HADHA: variants seen among roughly 807,000 people sequenced by gnomAD.
HADHA encodes the protein trifunctional enzyme subunit alpha, mitochondrial.
In HADHA, 59 loss-of-function variants were observed where a neutral mutation model predicts 91.3. That is an observed-to-expected ratio of 0.65 (90% CI 0.52 to 0.80). The LOEUF is 0.80. Ranked by LOEUF, HADHA falls within the 30% of genes least tolerant of loss-of-function variation. HADHA has a pLI of 0.00. For synonymous variants in HADHA, 320 were observed against 338.9 expected, an observed-to-expected ratio of 0.94 and a Z score of 0.61; for missense variants, 800 against 927.6, an observed-to-expected ratio of 0.86 and a Z score of 1.79.
intron 5 of HADHA, among the ~76,000 whole-genome samples, chr2:26,232,799 A>C (rs962830107): frequency 6.6e-6 from 1 of 152,198 alleles, no homozygotes; most frequent in African/African-American, 2.4e-5. Context: ...CCATTAGGAA[A>C]TTTTGTTGTT....
chr2:26,197,858 C>G, intron 13 of HADHA, 81 bp from the exon 14 acceptor site: 1 of 790,376 alleles, frequency 1.3e-6, no homozygotes, highest in East Asian at 2.4e-5. Flanking sequence ...ATGAGTGACA[C>G]CTGGGCCCAG....
rs962512954 is a variant in HADHA at position 26,191,067 on chromosome 2, C to T, written c.*183G>A. On this transcript the variant is annotated 3_prime_UTR_variant, in exon 20 of 20. Coordinates refer to ENST00000380649, the MANE Select transcript of HADHA (RefSeq NM_000182.5). ...TTCCAACAGGAAGTGCAAACTAATT[C>T]GAAGTCACACTTCACCAGGAGGGAG... The T allele has an allele frequency of 6.0e-6, 4 of 668,158 alleles. No homozygotes were observed. Among genetic ancestry groups the T allele is most frequent in the South Asian group, 5.1e-5 (3 of 58,626 alleles). 41.4% of individuals were successfully genotyped at this position (668,158 alleles called of 1,614,324 possible).
In HADHA at chr2:26,214,773, T is replaced by G. The variant is rs568822496; in HGVS notation, c.800-212A>C. Reference sequence around the variant, plus strand: ...GCTGGGCCTTGGGTACATGAGTGTTTATAACACTGTTATCTAGTCTTTTTG... The same window carrying G: ...GCTGGGCCTTGGGTACATGAGTGTTGATAACACTGTTATCTAGTCTTTTTG... On this transcript the variant is annotated intron_variant, in intron 8 of 19. Coordinates refer to ENST00000380649, the MANE Select transcript of HADHA (RefSeq NM_000182.5). This position sits in a 1 kb window ranked among gnomAD's most constrained non-coding sequence, Gnocchi z 4.1. 6.6e-6 allele frequency among the ~76,000 whole-genome samples: 1 copy of G among 152,362 alleles called. No homozygotes were observed. The highest frequency in any genetic ancestry group is 2.1e-4 in the South Asian group (1 of 4,830).
At chr2:26,194,709 C>T (rs1486567879) in intron 15 of HADHA, 71 bp from the exon 16 acceptor site, 1 of 961,878 alleles carries the variant, frequency 1.0e-6, no homozygotes, top group Non-Finnish European at 1.7e-6. Flanking sequence ...CTACCTTTCC[C>T]AGGGTCACTT....
intron 11 of HADHA, among the ~76,000 whole-genome samples, chr2:26,208,956 G>T (rs941773842): frequency 6.6e-6 from 1 of 152,172 alleles, no homozygotes; most frequent in African/African-American, 2.4e-5. Flanking sequence ...CTCATTAAAG[G>T]TGAGAGGATG....
In HADHA at chr2:26,244,618, G is replaced by C; in HGVS notation, c.-22C>G. The stretch of plus-strand genomic sequence containing the variant: ...CCATCTTGAGCTGAAGAGGACAGCA[G>C]TGGAGAGCGCCTCTAACGGGTGCGG... On this transcript the variant is annotated 5_prime_UTR_variant, in exon 1 of 20. Coordinates refer to ENST00000380649, the MANE Select transcript of HADHA (RefSeq NM_000182.5). 2 of 1,565,498 alleles carry C rather than the reference G, an allele frequency of 1.3e-6. No individual in the cohort carries two copies. The highest frequency in any genetic ancestry group is 1.7e-6 in the Non-Finnish European group (2 of 1,154,494).
intron 5 of HADHA, among the ~76,000 whole-genome samples, chr2:26,232,522 G>C (rs532926402): frequency 1.3e-5 from 2 of 152,118 alleles, no homozygotes; most frequent in African/African-American, 4.8e-5. Flanking sequence ...CTGAAAGCTA[G>C]AGAAGCTCTC....
chr2:26,227,378 G>C, intron 7 of HADHA, among the ~76,000 whole-genome samples: 1 of 152,078 alleles, frequency 6.6e-6, no homozygotes, highest in East Asian at 1.9e-4. Context: ...TGGACATGGT[G>C]GTGGGCGCCT....
chr2:26,201,859 A>G lies in HADHA; in HGVS notation c.1221-539T>C, dbSNP rs1457960176. On this transcript the variant is annotated intron_variant, in intron 12 of 19. Coordinates refer to ENST00000380649, the MANE Select transcript of HADHA (RefSeq NM_000182.5). ...GCCCAGGCTGGAGTGCAGTGGCGTGATCTCAGCTCACTGCAACCTCTTGTC... is the reference window on the plus strand; with the variant it reads ...GCCCAGGCTGGAGTGCAGTGGCGTGGTCTCAGCTCACTGCAACCTCTTGTC... 4.0e-5 allele frequency among the ~76,000 whole-genome samples: 6 copies of G among 151,290 alleles called. No homozygotes were observed. In the East Asian group the frequency reaches 1.2e-3, roughly 29 times the overall value.
At chr2:26,200,192 C>T (rs927974165) in intron 13 of HADHA, among the ~76,000 whole-genome samples, 1 of 152,114 alleles carries the variant, frequency 6.6e-6, no homozygotes, top group Non-Finnish European at 1.5e-5. Flanking sequence ...CTGTGGTACT[C>T]TTATTTTTTG....
rs752875053 is a variant in HADHA, at chr2:26,204,222, T to G, written c.1086-26A>C. 8.7e-6 allele frequency: 14 copies of G among 1,610,960 alleles called. No individual in the cohort carries two copies. The South Asian group carries it at 9.9e-5, about 11-fold the overall frequency. On this transcript the variant is annotated intron_variant, in intron 11 of 19. Coordinates refer to ENST00000380649, the MANE Select transcript of HADHA (RefSeq NM_000182.5). ...CTGCAAGGCAAGGATGAAATGACTT[T>G]CGGTAAACTGATCTTAATCATTTCA...
intron 1 of HADHA, among the ~76,000 whole-genome samples, chr2:26,242,243 T>C (rs904874674): frequency 9.9e-5 from 15 of 152,224 alleles, no homozygotes; most frequent in African/African-American, 3.4e-4. Flanking sequence ...TCATTAAATG[T>C]TTGGCAAAGC....
intron 11 of HADHA, among the ~76,000 whole-genome samples, chr2:26,206,226 ATTTTTTTT>A (rs35956519): frequency 2.1e-5 from 3 of 139,590 alleles, no homozygotes; most frequent in Non-Finnish European, 3.1e-5. Context: ...CAGACTGGCA[ATTTTTTTT>A]TTTTTTTTTT....
chr2:26,207,319 G>GT (rs551382537), intron 11 of HADHA, among the ~76,000 whole-genome samples: 1,465 of 131,056 alleles, frequency 0.011, 7 homozygotes, highest in Non-Finnish European at 0.015. Flanking sequence ...TATTTAGTAG[G>GT]TTTTTTTTTT....
chr2:26,202,087 C>T (rs2147760563), intron 12 of HADHA, among the ~76,000 whole-genome samples: 1 of 152,262 alleles, frequency 6.6e-6, no homozygotes, highest in East Asian at 1.9e-4. Flanking sequence ...GCGTGAGCCA[C>T]CGCGCCCAGC....
chr2:26,193,857 C>T, intron 16 of HADHA, 85 bp from the exon 17 acceptor site: 1 of 1,077,466 alleles, frequency 9.3e-7, no homozygotes, highest in South Asian at 1.3e-5. Flanking sequence ...CCAAACACTG[C>T]CTTGTGTAAA....
rs746640538 is a variant in HADHA at position 26,239,122 on chromosome 2, G to A, written c.89C>T (p.Thr30Ile). 1 of 1,607,756 alleles carries A rather than the reference G, an allele frequency of 6.2e-7. No homozygotes were observed. Residue 30 changes from threonine to isoleucine, a missense_variant, in exon 2 of 20, where the codon ACA becomes ATA. By Grantham distance (89) the Thr-to-Ile change is moderately conservative (BLOSUM62 -1). Transcript: ENST00000380649. Reference sequence around the variant, plus strand: ...CTTACTCAGCAAAGCAGAAGACCCTGTAAAATTGCGGCATATATAACCTGT... The same window carrying A: ...CTTACTCAGCAAAGCAGAAGACCCTATAAAATTGCGGCATATATAACCTGT... The part of the protein sequence containing the change: ...RSRGYICRNF[T>I]GSSALLTRTH...
At chr2:26,222,642 C>T (rs571009056) in intron 7 of HADHA, among the ~76,000 whole-genome samples, 126 of 152,094 alleles carry the variant, frequency 8.3e-4, no homozygotes, top group Non-Finnish European at 1.5e-3. Flanking sequence ...TTTCACTTAC[C>T]AATTTGTGGT....
At chr2:26,240,115 T>C (rs1196539938) in intron 1 of HADHA, among the ~76,000 whole-genome samples, 1 of 152,272 alleles carries the variant, frequency 6.6e-6, no homozygotes, top group Non-Finnish European at 1.5e-5. Flanking sequence ...ACAGTGATCC[T>C]TCCTTTCCTT....
Sources: gnomAD v4.1 joint callset for allele counts (sites outside exome capture counted in the v4.1 genomes callset) on GRCh38, gnomAD v4.1.1 for gene constraint, Gnocchi (gnomAD v3.1) non-coding constraint, MANE v1.5 for transcripts, NCBI Gene and HGNC (gene_info 2026-07-23, HGNC 2026-07-21) for gene names.